PCDHA10: variants seen among roughly 807,000 people sequenced by gnomAD.
PCDHA10 encodes the protein protocadherin alpha 10, also known as protocadherin alpha-10.
PCDHA10 carries 45 observed loss-of-function variants against 61.2 expected under a neutral mutation model. The ratio of observed to expected loss-of-function variants is 0.74; its 90% confidence interval spans 0.58 to 0.94. The LOEUF (loss-of-function observed/expected upper bound fraction) is 0.94. PCDHA10 is among the 40% of genes least tolerant of loss of function. The pLI, the probability that PCDHA10 is intolerant of heterozygous loss-of-function variation, is 0.00. For missense variants in PCDHA10, 1,278 were observed against 1,236.2 expected, an observed-to-expected ratio of 1.03 and a Z score of -0.51; for synonymous variants, 602 against 548.8, an observed-to-expected ratio of 1.10 and a Z score of -1.35.
chr5:140,887,120 G>A (rs2061314160), intron 1 of PCDHA10, among the ~76,000 whole-genome samples: 1 of 148,878 alleles, frequency 6.7e-6, no homozygotes, highest in African/African-American at 2.5e-5. Context: ...TTTTTGAGAC[G>A]GAGTCTCACT....
intron 1 of PCDHA10, among the ~76,000 whole-genome samples, chr5:140,908,581 G>A (rs2074042639): frequency 6.6e-6 from 1 of 152,178 alleles, no homozygotes; most frequent in Non-Finnish European, 1.5e-5. Context: ...AAGGAGAGTA[G>A]TTAGCTGCAG....
At position 141,012,226 on chromosome 5, in the gene PCDHA10, A is replaced by G. The variant is rs1021307000; in HGVS notation, c.*2289A>G. Reference sequence around the variant, plus strand: ...TTTTACATTTGCGAAGTGCTTTCCAATCCATGTTAGTTACTAGTTATTACA... The same window carrying G: ...TTTTACATTTGCGAAGTGCTTTCCAGTCCATGTTAGTTACTAGTTATTACA... On this transcript the variant is annotated 3_prime_UTR_variant, in exon 4 of 4. Transcript: ENST00000307360. The G allele has an allele frequency of 2.6e-5, 4 of 153,758 alleles. No individual in the cohort carries two copies. Among genetic ancestry groups the G allele is most frequent in the African/African-American group, 9.7e-5 (4 of 41,442 alleles). 9.5% of individuals were successfully genotyped at this position (153,758 alleles called of 1,614,324 possible). A position where few individuals can be genotyped will look rare whatever the true frequency, so the allele number is the denominator to read the frequency against.
Position 140,856,308 on chromosome 5 carries a change from C to G in PCDHA10, c.260C>G (p.Ser87Cys). The change falls in exon 1 of 4, where the codon TCT (serine) becomes TGT (cysteine). Residue 87 changes from serine (S) to cysteine (C), a missense_variant. Physicochemically the swap from Ser to Cys is moderately radical, Grantham distance 112. Coordinates refer to ENST00000307360, the MANE Select transcript of PCDHA10 (RefSeq NM_018901.4). ...CAGAATGGCATTTTGTTTGTGAATT[C>G]TCGGATTGACCGCGAGGAGCTGTGC... is the stretch of plus-strand genomic sequence containing the variant. ...NLQNGILFVN[S>C]RIDREELCGR... 6.3e-7 allele frequency: 1 copy of G among 1,598,620 alleles called. No homozygotes were observed. Among genetic ancestry groups the G allele is most frequent in the Non-Finnish European group, 8.6e-7 (1 of 1,168,062 alleles).
At chr5:140,888,234 G>A (rs1554183382) in intron 1 of PCDHA10, among the ~76,000 whole-genome samples, 2 of 152,250 alleles carry the variant, frequency 1.3e-5, no homozygotes, top group East Asian at 1.9e-4. Flanking sequence ...ATGTGTGTGC[G>A]TGTTCCTTTA....
chr5:140,962,764 T>C (rs946789298), intron 1 of PCDHA10, among the ~76,000 whole-genome samples: 7 of 152,226 alleles, frequency 4.6e-5, no homozygotes, highest in African/African-American at 1.7e-4. Flanking sequence ...TATTCGTTTT[T>C]AACAAGATGG....
At chr5:140,876,223 T>C (rs2056212607) in intron 1 of PCDHA10, 2 of 1,613,782 alleles carry the variant, frequency 1.2e-6, no homozygotes, top group Non-Finnish European at 1.7e-6. Flanking sequence ...TAAAGTAGTG[T>C]TGTCTGAAAA....
chr5:140,870,546 G>T, intron 1 of PCDHA10: 1 of 1,614,086 alleles, frequency 6.2e-7, no homozygotes, highest in Non-Finnish European at 8.5e-7. Flanking sequence ...CGCGGGACGC[G>T]GACGCGCAGG....
chr5:140,970,814 C>T (rs1175939096), intron 1 of PCDHA10, among the ~76,000 whole-genome samples: 1 of 152,068 alleles, frequency 6.6e-6, no homozygotes, highest in Non-Finnish European at 1.5e-5. Flanking sequence ...ATTTCAAGTT[C>T]ATGGTAATCT....
chr5:140,985,887 C>A (rs765609645), intron 3 of PCDHA10, among the ~76,000 whole-genome samples: 2 of 151,840 alleles, frequency 1.3e-5, no homozygotes, highest in Non-Finnish European at 2.9e-5. Context: ...CTACAGGCGC[C>A]CGCCACCACT....
intron 1 of PCDHA10, chr5:140,882,195 T>C: frequency 1.3e-6 from 2 of 1,521,122 alleles, no homozygotes; most frequent in Non-Finnish European, 8.8e-7. Flanking sequence ...GCCATAAAAA[T>C]TGGGCCTTGA....
Position 140,967,085 on chromosome 5 carries a change from C to A in PCDHA10, c.2389-11864C>A, listed in dbSNP as rs155809. On this transcript the variant is annotated intron_variant, in intron 1 of 3. Coordinates refer to ENST00000307360, the MANE Select transcript of PCDHA10 (RefSeq NM_018901.4). ...GCTCTTCGTCAACGAGCGCATTGAT[C>A]GGGAGGCGCTGTGTGAGCAGCGGCC... The A allele has an allele frequency of 3.0e-3, 4,870 of 1,613,198 alleles. 112 individuals are homozygous for A. The African/African-American group carries it at 0.056, about 18-fold the overall frequency.
At chr5:140,934,574 A>G in intron 1 of PCDHA10, among the ~76,000 whole-genome samples, 1 of 152,124 alleles carries the variant, frequency 6.6e-6, no homozygotes, top group Non-Finnish European at 1.5e-5. Flanking sequence ...AATTAATTGT[A>G]ACATTTCTGT....
At chr5:140,914,817 C>T (rs2076857750) in intron 1 of PCDHA10, among the ~76,000 whole-genome samples, 1 of 152,040 alleles carries the variant, frequency 6.6e-6, no homozygotes, top group African/African-American at 2.4e-5. Flanking sequence ...ACTTAACAGA[C>T]TGCATAAACA....
At chr5:140,968,437 A>G (rs1267054987) in intron 1 of PCDHA10, 2 of 1,614,072 alleles carry the variant, frequency 1.2e-6, no homozygotes, top group Admixed American at 3.3e-5. Context: ...AGGGGAGCCC[A>G]CCACTGAGCA....
chr5:140,996,164 T>C (rs934521653), intron 3 of PCDHA10, among the ~76,000 whole-genome samples: 2 of 152,246 alleles, frequency 1.3e-5, no homozygotes, highest in African/African-American at 4.8e-5. Context: ...TATACTGCAA[T>C]GTGCTGACAG....
At chr5:140,949,290 G>C (rs552572317) in intron 1 of PCDHA10, among the ~76,000 whole-genome samples, 5 of 151,900 alleles carry the variant, frequency 3.3e-5, no homozygotes, top group South Asian at 2.1e-4. Flanking sequence ...TGTATATTCT[G>C]TAATTGTTGG....
At chr5:140,913,610 A>C (rs1271705435) in intron 1 of PCDHA10, among the ~76,000 whole-genome samples, 2 of 151,906 alleles carry the variant, frequency 1.3e-5, no homozygotes, top group African/African-American at 4.8e-5. Flanking sequence ...TATTTTCTCT[A>C]CTAATTTTGG....
In PCDHA10 at chr5:140,925,595, A is replaced by G. The variant is rs145876147; in HGVS notation, c.2389-53354A>G. 2.8e-3 allele frequency among the ~76,000 whole-genome samples: 431 copies of G among 151,786 alleles called. 1 individual carries two copies. Among genetic ancestry groups the G allele is most frequent in the African/African-American group, 9.9e-3 (412 of 41,446 alleles). On this transcript the variant is annotated intron_variant, in intron 1 of 3. Coordinates refer to ENST00000307360, the MANE Select transcript of PCDHA10 (RefSeq NM_018901.4). ...ACACCAACATGGCGCATGTATACAT[A>G]TGTAACAAACCTGCACGTTGTGCAC...
intron 1 of PCDHA10, among the ~76,000 whole-genome samples, chr5:140,959,969 C>T (rs1203367528): frequency 6.6e-6 from 1 of 152,104 alleles, no homozygotes; most frequent in African/African-American, 2.4e-5. Context: ...GTAGATGTTA[C>T]TGAAAGAAGA....
Sources: gnomAD v4.1 joint callset for allele counts (sites outside exome capture counted in the v4.1 genomes callset) on GRCh38, gnomAD v4.1.1 for gene constraint, MANE v1.5 for transcripts, NCBI Gene and HGNC (gene_info 2026-07-23, HGNC 2026-07-21) for gene names.